Variants in PCDH17 observed in about 807,000 individuals in gnomAD.
PCDH17 encodes the protein protocadherin-17.
In PCDH17, 21 loss-of-function variants were observed where a neutral mutation model predicts 67.7. That is an observed-to-expected ratio of 0.31 (90% CI 0.22 to 0.45). The LOEUF (loss-of-function observed/expected upper bound fraction) is 0.45. Ranked by LOEUF, PCDH17 falls within the 20% of genes least tolerant of loss-of-function variation. The pLI is 1.00. For missense variants in PCDH17, 1,471 were observed against 1,564.8 expected (o/e 0.94, Z 1.01); for synonymous variants, 701 against 656.7 (o/e 1.07, Z -1.03).
chr13:57,678,358 T>C (rs1250667052), intron 3 of PCDH17, among the ~76,000 whole-genome samples: 3 of 151,428 alleles, frequency 2.0e-5, no homozygotes, highest in Non-Finnish European at 4.4e-5. Flanking sequence ...GAAAACTGAG[T>C]ATCAATATAC....
intron 3 of PCDH17, among the ~76,000 whole-genome samples, chr13:57,673,883 ATCTCGGTTTATGTTT>A (rs67916509): frequency 0.13 from 19,892 of 151,872 alleles, 4,414 homozygotes; most frequent in African/African-American, 0.45. Flanking sequence ...TTCAAAATTC[ATCTCGGTTTATGTTT>A]TCTGGATAAA....
Position 57,632,042 on chromosome 13 carries a change from A to C in PCDH17, c.-505A>C. 1 of 179,608 alleles carries C rather than the reference A, an allele frequency of 5.6e-6. No homozygotes were observed. The highest frequency in any genetic ancestry group is 1.8e-4 in the East Asian group (1 of 5,552). The allele number at this position is 179,608 out of a possible 1,614,324, so 11.1% of individuals were successfully genotyped here. A position where few individuals can be genotyped will look rare whatever the true frequency, so the allele number is the denominator to read the frequency against. ...AAGAATTTCACTTTCGGATCTGCCT[A>C]GAGACACACCTCCCTGCTCCCTCCC... On this transcript the variant is annotated 5_prime_UTR_variant, in exon 1 of 4. Coordinates refer to ENST00000377918, the MANE Select transcript of PCDH17 (RefSeq NM_001040429.3).
chr13:57,688,200 A>G (rs1955525434), intron 3 of PCDH17, among the ~76,000 whole-genome samples: 1 of 151,916 alleles, frequency 6.6e-6, no homozygotes, highest in Non-Finnish European at 1.5e-5. Flanking sequence ...CCAGCTACTC[A>G]GGAGGCTGAG....
chr13:57,699,689 T>C (rs556917230), intron 3 of PCDH17, among the ~76,000 whole-genome samples: 1 of 152,176 alleles, frequency 6.6e-6, no homozygotes, highest in Non-Finnish European at 1.5e-5. Context: ...TCTTAACATT[T>C]CCCTATTTCT....
intron 1 of PCDH17, among the ~76,000 whole-genome samples, chr13:57,646,454 A>G (rs538762398): frequency 6.6e-6 from 1 of 151,582 alleles, no homozygotes; most frequent in Non-Finnish European, 1.5e-5. Flanking sequence ...GTGAAGTTGT[A>G]TTATTTAGTA....
In PCDH17 at chr13:57,725,274, C is replaced by G. The variant is rs777584964; in HGVS notation, c.3460C>G (p.Pro1154Ala). 1.1e-5 allele frequency: 17 copies of G among 1,597,074 alleles called. No individual in the cohort carries two copies. The highest frequency in any genetic ancestry group is 1.4e-5 in the African/African-American group (1 of 72,536). ...TTTGCAAGACTGCCGGGGAAACGAC[C>G]CTGTGGCTGTGAGAAAGTGAAAAAA... ...KLLQDCRGNDPVAVRK is the reference protein window; with the variant it reads ...KLLQDCRGNDAVAVRK Residue 1154 changes from proline (P) to alanine (A), a missense_variant, in exon 4 of 4, where the codon CCT (proline) becomes GCT (alanine). Pro to Ala is a conservative substitution (Grantham distance 27). Coordinates refer to ENST00000377918, the MANE Select transcript of PCDH17 (RefSeq NM_001040429.3).
chr13:57,637,006 T>C (rs950709117), intron 1 of PCDH17, among the ~76,000 whole-genome samples: 10 of 152,242 alleles, frequency 6.6e-5, no homozygotes, highest in Non-Finnish European at 1.5e-4. Context: ...TAGTGATACC[T>C]GTAGTATATT....
In PCDH17 at chr13:57,688,505, C is replaced by A. The variant is rs140169088; in HGVS notation, c.2797+21672C>A. 4.9e-3 allele frequency among the ~76,000 whole-genome samples: 743 copies of A among 152,072 alleles called. 8 individuals carry two copies. The highest frequency in any genetic ancestry group is 0.014 in the African/African-American group (581 of 41,516). Reference sequence around the variant, plus strand: ...AATGGCTATTTTCATTAAAGCCAATCTTTCTCCTTAATTCAAATTTTGTGT... The same window carrying A: ...AATGGCTATTTTCATTAAAGCCAATATTTCTCCTTAATTCAAATTTTGTGT... On this transcript the variant is annotated intron_variant, in intron 3 of 3. Transcript: ENST00000377918.
chr13:57,634,310 G>A lies in PCDH17; in HGVS notation c.1764G>A (p.Leu588=), dbSNP rs116693596. The A allele has an allele frequency of 1.2e-3, 1,893 of 1,613,018 alleles. 20 individuals carry two copies. The African/African-American group carries it at 0.02, about 17-fold the overall frequency. The change falls in exon 1 of 4, where the codon CTG becomes CTA. Residue 588 remains leucine, a synonymous_variant. Transcript: ENST00000377918. The surrounding 1 kb of genome is among the most constrained non-coding windows in gnomAD (Gnocchi z 7.8). ...DNAPVIVLPT[L]QNDTAELQVP... ...CGCCAGTGATCGTGCTCCCCACGCT[G>A]CAGAACGACACCGCGGAGCTGCAGG...
chr13:57,671,002 A>T (rs1020109455), intron 3 of PCDH17, among the ~76,000 whole-genome samples: 2 of 151,948 alleles, frequency 1.3e-5, no homozygotes, highest in Non-Finnish European at 2.9e-5. Flanking sequence ...CGTTAGTAGA[A>T]AGAGGTTATT....
At chr13:57,660,027 G>A (rs1395790745) in intron 1 of PCDH17, among the ~76,000 whole-genome samples, 1 of 152,062 alleles carries the variant, frequency 6.6e-6, no homozygotes, top group African/African-American at 2.4e-5. Context: ...GAGCTCATGA[G>A]TTCGAGTTCG....
intron 1 of PCDH17, among the ~76,000 whole-genome samples, chr13:57,637,952 A>G (rs2137978091): frequency 6.6e-6 from 1 of 152,180 alleles, no homozygotes; most frequent in African/African-American, 2.4e-5. Context: ...AAGCTGATAC[A>G]GAAACAGTGA....
intron 3 of PCDH17, among the ~76,000 whole-genome samples, chr13:57,713,560 G>A (rs1025934004): frequency 2.6e-5 from 4 of 151,504 alleles, no homozygotes; most frequent in African/African-American, 9.7e-5. Flanking sequence ...GGTATTGTTT[G>A]AGTAAGATCA....
chr13:57,650,218 T>TTGTGTGTGTGTG (rs67398023), intron 1 of PCDH17, among the ~76,000 whole-genome samples: 1,756 of 137,532 alleles, frequency 0.013, 31 homozygotes, highest in African/African-American at 0.019. Flanking sequence ...GGACCCTTGA[T>TTGTGTGTGTGTG]TGTGTGTGTG....
At chr13:57,675,433 C>G (rs1955381450) in intron 3 of PCDH17, among the ~76,000 whole-genome samples, 2 of 151,906 alleles carry the variant, frequency 1.3e-5, no homozygotes, top group South Asian at 4.1e-4. Flanking sequence ...ACTGGGTTTT[C>G]AGGGAGCTCA....
chr13:57,719,413 T>C (rs145476766), intron 3 of PCDH17, among the ~76,000 whole-genome samples: 1 of 152,166 alleles, frequency 6.6e-6, no homozygotes, highest in Non-Finnish European at 1.5e-5. Flanking sequence ...ATTTTGGTTT[T>C]TAAGTGTCTA....
intron 1 of PCDH17, among the ~76,000 whole-genome samples, chr13:57,660,575 A>G (rs1339413196): frequency 6.6e-6 from 1 of 152,104 alleles, no homozygotes; most frequent in African/African-American, 2.4e-5. Flanking sequence ...ACCTTTTTTG[A>G]GGTGTATAGT....
intron 3 of PCDH17, among the ~76,000 whole-genome samples, chr13:57,669,434 G>A (rs4886026): frequency 0.89 from 135,061 of 151,776 alleles, 60,339 homozygotes; most frequent in African/African-American, 0.97. Context: ...TGTGTCTTCT[G>A]TCCTCCTATA....
chr13:57,724,357 C>A (rs1955895349), intron 3 of PCDH17, among the ~76,000 whole-genome samples: 1 of 152,166 alleles, frequency 6.6e-6, no homozygotes, highest in Admixed American at 6.5e-5. Flanking sequence ...GAGAATGATT[C>A]TCCAATGGCC....
Sources: gnomAD v4.1 joint callset for allele counts (sites outside exome capture counted in the v4.1 genomes callset) on GRCh38, gnomAD v4.1.1 for gene constraint, Gnocchi (gnomAD v3.1) non-coding constraint, MANE v1.5 for transcripts, NCBI Gene and HGNC (gene_info 2026-07-23, HGNC 2026-07-21) for gene names.